DRC11: variants seen among roughly 807,000 people sequenced by gnomAD.
DRC11 encodes the protein IQ and AAA domain-containing protein 1.
the DRC11 span, among the ~76,000 whole-genome samples, chr2:236,392,809 A>G: frequency 2.0e-5 from 3 of 152,186 alleles, no homozygotes; most frequent in Non-Finnish European, 4.4e-5. This position sits in a 1 kb window ranked among gnomAD's most constrained non-coding sequence, Gnocchi z 5.1. Flanking sequence ...CTCCTATTAC[A>G]AAACAGACAA....
chr2:236,371,366 C>T, the DRC11 span, among the ~76,000 whole-genome samples: 1 of 152,136 alleles, frequency 6.6e-6, no homozygotes, highest in African/African-American at 2.4e-5. The surrounding 1 kb of genome is among the most constrained non-coding windows in gnomAD (Gnocchi z 5.1). Context: ...AGTGAGGGTG[C>T]CTGGGTCCTC....
chr2:236,366,507 T>C, the DRC11 span, among the ~76,000 whole-genome samples: 1 of 151,848 alleles, frequency 6.6e-6, no homozygotes, highest in African/African-American at 2.4e-5. Flanking sequence ...TTGGCACACA[T>C]GCCCTGTCAT....
chr2:236,311,697 C>CGCGT, the DRC11 span, among the ~76,000 whole-genome samples: 1 of 138,706 alleles, frequency 7.2e-6, no homozygotes, highest in African/African-American at 2.6e-5. This position sits in a 1 kb window ranked among gnomAD's most constrained non-coding sequence, Gnocchi z 6.9. Flanking sequence ...GGATGGGGTG[C>CGCGT]GTGTGTGTGT....
the DRC11 span, chr2:236,408,061 A>C: frequency 1.7e-6 from 1 of 591,402 alleles, no homozygotes; most frequent in Non-Finnish European, 3.3e-6. This position sits in a 1 kb window ranked among gnomAD's most constrained non-coding sequence, Gnocchi z 5.5. Flanking sequence ...GGTTCCCACC[A>C]CACATTCCTT....
At chr2:236,416,729 A>ATATT in the DRC11 span, among the ~76,000 whole-genome samples, 1 of 35,232 alleles carries the variant, frequency 2.8e-5, no homozygotes, top group African/African-American at 1.1e-4. Flanking sequence ...ATTTATATAT[A>ATATT]TATATATATA....
chr2:236,336,582 G>A, the DRC11 span, among the ~76,000 whole-genome samples: 210 of 151,886 alleles, frequency 1.4e-3, 1 homozygote, highest in African/African-American at 4.9e-3. This position sits in a 1 kb window ranked among gnomAD's most constrained non-coding sequence, Gnocchi z 7.3. Flanking sequence ...ACCCTCCCCA[G>A]AGCCACCCAC....
At chr2:236,497,550 A>G in the DRC11 span, 2 of 1,229,832 alleles carry the variant, frequency 1.6e-6, no homozygotes, top group Admixed American at 5.1e-5. This position sits in a 1 kb window ranked among gnomAD's most constrained non-coding sequence, Gnocchi z 5.1. Context: ...AAACATAAAC[A>G]TCGGGCCTCT....
chr2:236,357,561 CAT>C, the DRC11 span, among the ~76,000 whole-genome samples: 6 of 112,416 alleles, frequency 5.3e-5, no homozygotes, highest in Admixed American at 4.7e-4. Flanking sequence ...TACATATTTA[CAT>C]ATATGCATAG....
At chr2:236,492,382 T>A in the DRC11 span, among the ~76,000 whole-genome samples, 23 of 152,316 alleles carry the variant, frequency 1.5e-4, no homozygotes, top group East Asian at 4.0e-3. Flanking sequence ...ATACAGGGCA[T>A]GCATTTCACC....
At chr2:236,416,846 C>T in the DRC11 span, among the ~76,000 whole-genome samples, 33 of 147,898 alleles carry the variant, frequency 2.2e-4, no homozygotes, top group African/African-American at 7.5e-4. Context: ...CTGCAACCTC[C>T]GCCTCCTGGG....
At chr2:236,375,754 T>C in the DRC11 span, among the ~76,000 whole-genome samples, 3 of 152,122 alleles carry the variant, frequency 2.0e-5, no homozygotes, top group Admixed American at 6.5e-5. This position sits in a 1 kb window ranked among gnomAD's most constrained non-coding sequence, Gnocchi z 4.2. Context: ...CGATAATACA[T>C]TGAATAAAAA....
chr2:236,435,172 C>T, the DRC11 span, among the ~76,000 whole-genome samples: 9 of 152,232 alleles, frequency 5.9e-5, no homozygotes, highest in Non-Finnish European at 1.2e-4. Flanking sequence ...TGCTGAAGTC[C>T]TGAAACCCCG....
At chr2:236,480,030 T>C in the DRC11 span, among the ~76,000 whole-genome samples, 1 of 151,868 alleles carries the variant, frequency 6.6e-6, no homozygotes, top group Non-Finnish European at 1.5e-5. Flanking sequence ...AGGTTTTTTT[T>C]TTTTTTTTCC....
the DRC11 span, among the ~76,000 whole-genome samples, chr2:236,491,240 T>TATATAC: frequency 4.4e-4 from 23 of 52,524 alleles, no homozygotes; most frequent in African/African-American, 1.9e-3. Context: ...TATATATATA[T>TATATAC]ACACAGTATA....
chr2:236,389,659 G>A, the DRC11 span, among the ~76,000 whole-genome samples: 3 of 152,316 alleles, frequency 2.0e-5, no homozygotes, highest in African/African-American at 7.2e-5. Flanking sequence ...GGCCGGAGCT[G>A]TTCCTATTCG....
At chr2:236,325,059 C>T in the DRC11 span, among the ~76,000 whole-genome samples, 1 of 152,148 alleles carries the variant, frequency 6.6e-6, no homozygotes, top group African/African-American at 2.4e-5. The surrounding 1 kb of genome is among the most constrained non-coding windows in gnomAD (Gnocchi z 4.4). Context: ...GCCATCCTTC[C>T]CAACAAAGTT....
the DRC11 span, among the ~76,000 whole-genome samples, chr2:236,389,626 C>T: frequency 1.4e-3 from 212 of 152,316 alleles, 1 homozygote; most frequent in African/African-American, 4.9e-3. Flanking sequence ...CCGTCTTCTG[C>T]GTCGCTCACA....
the DRC11 span, among the ~76,000 whole-genome samples, chr2:236,331,076 A>G: frequency 1.3e-5 from 2 of 152,202 alleles, no homozygotes; most frequent in South Asian, 2.1e-4. The surrounding 1 kb of genome is among the most constrained non-coding windows in gnomAD (Gnocchi z 4.8). Context: ...AAAAACCCAA[A>G]TAAGTATATG....
chr2:236,503,513 C>T, the DRC11 span: 2 of 1,054,396 alleles, frequency 1.9e-6, no homozygotes, highest in East Asian at 5.2e-5. This position sits in a 1 kb window ranked among gnomAD's most constrained non-coding sequence, Gnocchi z 4.9. Context: ...CCTGCCATTT[C>T]TTTCTTCCCC....
Sources: gnomAD v4.1 joint callset for allele counts (sites outside exome capture counted in the v4.1 genomes callset) on GRCh38, gnomAD v4.1.1 for gene constraint, Gnocchi (gnomAD v3.1) non-coding constraint, MANE v1.5 for transcripts, NCBI Gene and HGNC (gene_info 2026-07-23, HGNC 2026-07-21) for gene names.